Variants in SLC9C2 observed in about 807,000 individuals in gnomAD.
The protein encoded by SLC9C2 is sodium/hydrogen exchanger 11.
SLC9C2 carries 75 observed loss-of-function variants against 140.2 expected under a neutral mutation model. That is an observed-to-expected ratio of 0.53 (90% CI 0.44 to 0.65). The LOEUF is 0.65. Among genes scored for constraint, SLC9C2 ranks in the 30% least tolerant of loss-of-function variants. The pLI is 0.00. For synonymous variants in SLC9C2, 375 were observed against 420.9 expected, an observed-to-expected ratio of 0.89 and a Z score of 1.34; for missense variants, 1,074 against 1,331.8, an observed-to-expected ratio of 0.81 and a Z score of 3.01.
At chr1:173,505,363 A>G (rs1558007983) in intron 25 of SLC9C2, 32 bp from the exon 26 acceptor site, 2 of 1,554,318 alleles carry the variant, frequency 1.3e-6, no homozygotes, top group Non-Finnish European at 1.8e-6. Context: ...TAGTCAAAAG[A>G]GCATTCTTTG....
chr1:173,556,617 A>G (rs1183628287), intron 10 of SLC9C2, among the ~76,000 whole-genome samples: 1 of 152,148 alleles, frequency 6.6e-6, no homozygotes, highest in Non-Finnish European at 1.5e-5. Flanking sequence ...ATGGCTATTG[A>G]AAAATTGCAT....
At chr1:173,587,577 G>T in intron 5 of SLC9C2, 88 bp downstream of exon 5, 1 of 1,226,836 alleles carries the variant, frequency 8.2e-7, no homozygotes, top group Non-Finnish European at 1.1e-6. Flanking sequence ...TCTTCTGGGT[G>T]CACAATTCAT....
chr1:173,584,878 C>A (rs1189262668), intron 5 of SLC9C2, among the ~76,000 whole-genome samples: 3 of 152,050 alleles, frequency 2.0e-5, no homozygotes, highest in African/African-American at 7.2e-5. Flanking sequence ...TAGACAGTTT[C>A]TATTGCTACA....
chr1:173,535,941 C>T lies in SLC9C2; in HGVS notation c.1664G>A (p.Ser555Asn), dbSNP rs923469264. ...CATATAAGTTGAAACATCATAAATA[C>T]TCATGAATCTAACAGAGAAAAATGT... ...CYYSIQGKFM[S>N]IYDVSTYMRT... is the part of the protein sequence containing the mutation. Residue 555 changes from serine to asparagine, a missense_variant, in exon 15 of 28, where the codon AGT (serine) becomes AAT (asparagine). Ser to Asn is a conservative substitution (Grantham distance 46). Transcript: ENST00000367714. The T allele has an allele frequency of 2.0e-6, 3 of 1,501,298 alleles. No individual in the cohort carries two copies. Among genetic ancestry groups the T allele is most frequent in the Non-Finnish European group, 2.7e-6 (3 of 1,118,734 alleles). 93.0% of individuals were successfully genotyped at this position (1,501,298 alleles called of 1,614,324 possible).
chr1:173,589,256 C>A (rs1018320468), intron 4 of SLC9C2, among the ~76,000 whole-genome samples: 1 of 151,944 alleles, frequency 6.6e-6, no homozygotes, highest in Non-Finnish European at 1.5e-5. Context: ...CTATTTGGGT[C>A]TTTTTAAATT....
intron 13 of SLC9C2, among the ~76,000 whole-genome samples, 152 bp downstream of exon 13, chr1:173,547,533 ATTTT>A (rs925457776): frequency 6.6e-6 from 1 of 151,804 alleles, no homozygotes; most frequent in Non-Finnish European, 1.5e-5. Context: ...AAGAAGGAGA[ATTTT>A]TTTATTTTTT....
intron 8 of SLC9C2, among the ~76,000 whole-genome samples, chr1:173,576,357 T>C (rs937521343): frequency 6.6e-6 from 1 of 152,154 alleles, no homozygotes; most frequent in African/African-American, 2.4e-5. Context: ...AGGTATATTA[T>C]GAAGGAAACA....
intron 3 of SLC9C2, among the ~76,000 whole-genome samples, chr1:173,599,361 G>GTTTT (rs1558103752): frequency 1.2e-4 from 6 of 50,382 alleles, no homozygotes; most frequent in Non-Finnish European, 1.5e-4. Context: ...CATTTTCCTT[G>GTTTT]ATTTTTTTTT....
intron 17 of SLC9C2, among the ~76,000 whole-genome samples, chr1:173,531,249 G>A (rs1661560844): frequency 6.6e-6 from 1 of 152,162 alleles, no homozygotes; most frequent in African/African-American, 2.4e-5. Flanking sequence ...ATACTTCACT[G>A]AGATTTGTCA....
chr1:173,548,784 A>AGTTT (rs1663048827), intron 11 of SLC9C2, among the ~76,000 whole-genome samples: 1 of 152,102 alleles, frequency 6.6e-6, no homozygotes, highest in African/African-American at 2.4e-5. Context: ...AATGTTTATT[A>AGTTT]GTTTCCTTGC....
intron 19 of SLC9C2, among the ~76,000 whole-genome samples, chr1:173,525,573 T>TA (rs1247770657): frequency 1.3e-5 from 2 of 152,336 alleles, no homozygotes; most frequent in African/African-American, 4.8e-5. Context: ...GCTCACTACT[T>TA]ACTAGCCATA....
At chr1:173,548,185 T>A (rs1324186155) in intron 12 of SLC9C2, among the ~76,000 whole-genome samples, 1 of 152,210 alleles carries the variant, frequency 6.6e-6, no homozygotes, top group Admixed American at 6.5e-5. Context: ...TCCTGGTATT[T>A]GGCAAATAAA....
intron 11 of SLC9C2, among the ~76,000 whole-genome samples, chr1:173,550,424 A>T (rs1219052874): frequency 1.7e-5 from 2 of 120,142 alleles, no homozygotes; most frequent in Admixed American, 8.5e-5. Flanking sequence ...TTTTTATTTT[A>T]TTTATTTATT....
Position 173,602,821 on chromosome 1 carries a change from GA to G in SLC9C2, c.-151del, listed in dbSNP as rs1024678100. On this transcript the variant is annotated 5_prime_UTR_variant, in exon 1 of 28. Coordinates refer to ENST00000367714, the MANE Select transcript of SLC9C2 (RefSeq NM_178527.4). ...TGTGAAGCAGAGGATGGGCCAGAAAGAGATTCAAAATGCTACATCTTCAAAT... is the reference window on the plus strand; with the variant it reads ...TGTGAAGCAGAGGATGGGCCAGAAAGGATTCAAAATGCTACATCTTCAAAT... The G allele has an allele frequency of 6.6e-6, 1 of 152,172 alleles. No individual in the cohort carries two copies. The highest frequency in any genetic ancestry group is 2.4e-5 in the African/African-American group (1 of 41,438). The allele number at this position is 152,172 out of a possible 1,614,324, so 9.4% of individuals were successfully genotyped here.
intron 5 of SLC9C2, among the ~76,000 whole-genome samples, chr1:173,584,945 T>A (rs1571617063): frequency 6.6e-6 from 1 of 152,162 alleles, no homozygotes; most frequent in East Asian, 1.9e-4. Context: ...TTTATATTAG[T>A]CCACAATGAA....
Position 173,529,923 on chromosome 1 carries a change from G to C in SLC9C2, c.2295C>G (p.Val765=). The C allele has an allele frequency of 6.2e-7, 1 of 1,610,588 alleles. No homozygotes were observed. The highest frequency in any genetic ancestry group is 1.1e-5 in the South Asian group (1 of 90,124). ...TTCTCACCTGATATATTGATTCACA[G>C]ACAGCTATTTGTTTTATTAGAAGTT... ...DAKLLIKQIA[V]CESIYQKLCE... is the part of the protein sequence containing the mutation. Residue 765 remains valine, a synonymous_variant, in exon 18 of 28, where the codon GTC becomes GTG. Transcript: ENST00000367714.
chr1:173,536,100 A>C, intron 14 of SLC9C2, 151 bp from the exon 15 acceptor site: 1 of 603,688 alleles, frequency 1.7e-6, no homozygotes, highest in Non-Finnish European at 2.6e-6. Flanking sequence ...CCACCTATCC[A>C]TCCATGGTCA....
chr1:173,600,049 T>G, intron 3 of SLC9C2, 68 bp downstream of exon 3: 597 of 958,794 alleles, frequency 6.2e-4, no homozygotes, highest in Non-Finnish European at 8.1e-4. Flanking sequence ...CATTCAGGGA[T>G]GAGATGGGAG....
chr1:173,525,381 CTG>C (rs764714612), intron 19 of SLC9C2, among the ~76,000 whole-genome samples: 5 of 152,208 alleles, frequency 3.3e-5, no homozygotes, highest in Non-Finnish European at 5.9e-5. Flanking sequence ...ATGAACTGGA[CTG>C]TGAGTCAAGG....
Sources: allele counts gnomAD v4.1 joint callset (sites outside exome capture counted in the v4.1 genomes callset), GRCh38; gene constraint gnomAD v4.1.1; transcripts MANE v1.5; gene names NCBI Gene and HGNC (gene_info 2026-07-23, HGNC 2026-07-21).